MAPK4: variants seen among roughly 807,000 people sequenced by gnomAD.
MAPK4 encodes mitogen-activated protein kinase 4, also known as Erk3-related.
Under a neutral mutation model 47.7 loss-of-function variants are expected in MAPK4, and 22 were observed. The ratio of observed to expected loss-of-function variants is 0.46; its 90% CI spans 0.33 to 0.66. MAPK4 has a LOEUF of 0.66. MAPK4 is among the 30% of genes least tolerant of loss of function. The pLI, the probability that MAPK4 is intolerant of heterozygous loss-of-function variation, is 0.02. For missense variants in MAPK4, 736 were observed against 831.7 expected, an observed-to-expected ratio of 0.88 and a Z score of 1.42; for synonymous variants, 390 against 365.7, an observed-to-expected ratio of 1.07 and a Z score of -0.76.
At chr18:50,677,486 A>G (rs1452471902) in intron 2 of MAPK4, among the ~76,000 whole-genome samples, 3 of 152,164 alleles carry the variant, frequency 2.0e-5, no homozygotes, top group African/African-American at 7.2e-5. Flanking sequence ...CGTGTGGCCC[A>G]GGAGTCCACG....
intron 1 of MAPK4, among the ~76,000 whole-genome samples, chr18:50,661,101 C>G (rs2043166983): frequency 6.6e-6 from 1 of 152,188 alleles, no homozygotes; most frequent in Non-Finnish European, 1.5e-5. Context: ...TCTCTGTTTA[C>G]AACCCAGCAG....
At chr18:50,586,137 GAATT>G (rs768117150) in intron 1 of MAPK4, among the ~76,000 whole-genome samples, 5 of 152,142 alleles carry the variant, frequency 3.3e-5, no homozygotes, top group Non-Finnish European at 5.9e-5. Flanking sequence ...TAAGGAACTT[GAATT>G]ATTTACAATG....
rs765758377 is a variant in MAPK4, at chr18:50,726,086, C to T, written c.978C>T (p.His326=). The stretch of plus-strand genomic sequence containing the variant: ...CTGAGGACGAGCCCACCTCACAACA[C>T]CCCTTCCGCATTGAGGATGAGATCG... ...SCPEDEPTSQ[H]PFRIEDEIDD... is the part of the protein sequence containing the mutation. Residue 326 remains histidine (H), a synonymous_variant, in exon 5 of 6, where the codon CAC becomes CAT. Transcript: ENST00000400384. 1.9e-5 allele frequency: 30 copies of T among 1,614,032 alleles called. No individual in the cohort carries two copies. The highest frequency in any genetic ancestry group is 2.5e-5 in the Non-Finnish European group (30 of 1,180,020).
intron 2 of MAPK4, among the ~76,000 whole-genome samples, chr18:50,690,796 T>A (rs1203100574): frequency 6.6e-6 from 1 of 152,198 alleles, no homozygotes; most frequent in African/African-American, 2.4e-5. Context: ...ATTATTGAAA[T>A]TTTTAAATGA....
At chr18:50,696,097 T>TA (rs111403643) in intron 2 of MAPK4, among the ~76,000 whole-genome samples, 160 of 127,736 alleles carry the variant, frequency 1.3e-3, no homozygotes, top group Admixed American at 1.8e-3. Flanking sequence ...CTCCCCTGAT[T>TA]AAAAAAAAAA....
In MAPK4 at chr18:50,712,478, T is replaced by C. The variant is rs112327295; in HGVS notation, c.547-2601T>C. 1.7e-3 allele frequency among the ~76,000 whole-genome samples: 252 copies of C among 148,720 alleles called. 2 individuals carry two copies. The highest frequency in any genetic ancestry group is 5.9e-3 in the African/African-American group (238 of 40,258). On this transcript the variant is annotated intron_variant, in intron 2 of 5. Coordinates refer to ENST00000400384, the MANE Select transcript of MAPK4 (RefSeq NM_002747.4). The stretch of plus-strand genomic sequence containing the variant: ...ATCCACTTTATGTTTTTTTAAAGAG[T>C]GTGAAGAACAAGTAACCATAGGAAG...
chr18:50,662,021 C>T (rs1180077100), intron 1 of MAPK4, among the ~76,000 whole-genome samples: 1 of 152,204 alleles, frequency 6.6e-6, no homozygotes, highest in African/African-American at 2.4e-5. Context: ...TCATCTGTGT[C>T]CCCTAATTTG....
At chr18:50,658,920 G>C (rs1025077544) in intron 1 of MAPK4, among the ~76,000 whole-genome samples, 1 of 152,196 alleles carries the variant, frequency 6.6e-6, no homozygotes, top group African/African-American at 2.4e-5. Flanking sequence ...ATGAGCTAGA[G>C]GATGTTCCCA....
chr18:50,707,161 G>C (rs572268443), intron 2 of MAPK4, among the ~76,000 whole-genome samples: 88 of 152,238 alleles, frequency 5.8e-4, no homozygotes, highest in Non-Finnish European at 1.1e-3. Flanking sequence ...GAGGTCCCTA[G>C]AGCCATCAAA....
chr18:50,594,764 A>G (rs2042467555), intron 1 of MAPK4, among the ~76,000 whole-genome samples: 1 of 152,244 alleles, frequency 6.6e-6, no homozygotes, highest in East Asian at 1.9e-4. Flanking sequence ...TCTCTTCATG[A>G]AGAGCTGTTA....
At chr18:50,590,758 G>T (rs142198810) in intron 1 of MAPK4, among the ~76,000 whole-genome samples, 1 of 152,144 alleles carries the variant, frequency 6.6e-6, no homozygotes, top group Admixed American at 6.5e-5. Context: ...ATTCTGCTTC[G>T]CCAGGGACAG....
intron 3 of MAPK4, among the ~76,000 whole-genome samples, 161 bp from the exon 4 acceptor site, chr18:50,721,775 GCC>G (rs1910946425): frequency 6.6e-6 from 1 of 152,146 alleles, no homozygotes; most frequent in Non-Finnish European, 1.5e-5. Flanking sequence ...TCAGCCACCT[GCC>G]CACAGTTGAG....
intron 2 of MAPK4, among the ~76,000 whole-genome samples, chr18:50,692,687 TA>T (rs913156938): frequency 2.0e-5 from 3 of 152,066 alleles, no homozygotes; most frequent in African/African-American, 7.2e-5. Context: ...GGGACAGAGC[TA>T]GGGGCCTGTG....
At chr18:50,624,816 C>A (rs892809025) in intron 1 of MAPK4, among the ~76,000 whole-genome samples, 2 of 151,956 alleles carry the variant, frequency 1.3e-5, no homozygotes, top group African/African-American at 4.8e-5. Flanking sequence ...TGGGCCCTGC[C>A]TGGTATGCCT....
intron 1 of MAPK4, among the ~76,000 whole-genome samples, chr18:50,648,675 A>G (rs1432187831): frequency 1.3e-5 from 2 of 152,278 alleles, no homozygotes; most frequent in Non-Finnish European, 2.9e-5. Flanking sequence ...TAGAGGTGGC[A>G]TGATGTAGCA....
intron 2 of MAPK4, among the ~76,000 whole-genome samples, chr18:50,688,184 G>T (rs116958393): frequency 0.023 from 3,575 of 152,288 alleles, 57 homozygotes; most frequent in Middle Eastern, 0.037. Context: ...AAATGAAATG[G>T]AGATTGCAAA....
rs2042567698 is a variant in MAPK4, at chr18:50,604,619, C to A, written c.-871+44376C>A. On this transcript the variant is annotated intron_variant, in intron 1 of 5. Coordinates refer to ENST00000400384, the MANE Select transcript of MAPK4 (RefSeq NM_002747.4). Reference sequence around the variant, plus strand: ...AGACTGATACTTGTAAATAAAGCAGCCCCTTTTCTAAGTTCTATGTTTAAC... The same window carrying A: ...AGACTGATACTTGTAAATAAAGCAGACCCTTTTCTAAGTTCTATGTTTAAC... Among the ~76,000 whole-genome samples the A allele has an allele frequency of 2.0e-5, 3 of 152,222 alleles. No individual in the cohort carries two copies. In the South Asian group the frequency reaches 6.2e-4, roughly 32 times the overall value.
chr18:50,655,087 CT>C (rs1459684920), intron 1 of MAPK4, among the ~76,000 whole-genome samples: 1 of 152,196 alleles, frequency 6.6e-6, no homozygotes, highest in Non-Finnish European at 1.5e-5. Flanking sequence ...CCTCCTGTTT[CT>C]TTCTCAGCAG....
chr18:50,725,500 G>A (rs866156687), intron 4 of MAPK4, among the ~76,000 whole-genome samples: 1 of 152,194 alleles, frequency 6.6e-6, no homozygotes, highest in Non-Finnish European at 1.5e-5. Flanking sequence ...AAATATCCCA[G>A]CTTCCCTGCC....
Sources: gnomAD v4.1 joint callset for allele counts (sites outside exome capture counted in the v4.1 genomes callset) on GRCh38, gnomAD v4.1.1 for gene constraint, MANE v1.5 for transcripts, NCBI Gene and HGNC (gene_info 2026-07-23, HGNC 2026-07-21) for gene names.